C8orf34: variants seen among roughly 807,000 people sequenced by gnomAD.
C8orf34 encodes uncharacterized protein C8orf34.
Under a neutral mutation model 68.3 loss-of-function variants are expected in C8orf34, and 65 were observed. The ratio of observed to expected loss-of-function variants is 0.95; its 90% CI spans 0.78 to 1.17. The LOEUF (loss-of-function observed/expected upper bound fraction) is 1.17. C8orf34 is among the 50% of genes most tolerant of loss of function. C8orf34 has a pLI of 0.00. For missense variants in C8orf34, 664 were observed against 655.4 expected (o/e 1.01, Z -0.14); for synonymous variants, 244 against 241.2 (o/e 1.01, Z -0.11).
rs544640577 is a variant in C8orf34 at position 68,525,488 on chromosome 8, C to A, written c.938+3517C>A. 27 of 640,032 alleles carry A rather than the reference C, an allele frequency of 4.2e-5. No individual in the cohort carries two copies. In the Admixed American group the frequency reaches 5.3e-4, roughly 13 times the overall value. 39.6% of individuals were successfully genotyped at this position (640,032 alleles called of 1,614,324 possible). On this transcript the variant is annotated intron_variant, in intron 6 of 13. Coordinates refer to ENST00000518698, the MANE Select transcript of C8orf34 (RefSeq NM_052958.4). ...ATTTCTTTTTGGTTTCCCTCTGAGG[C>A]ATTTTATTTGTAAGTATGTATTACA...
chr8:68,726,584 T>C (rs1028160864), intron 10 of C8orf34, among the ~76,000 whole-genome samples: 1 of 152,138 alleles, frequency 6.6e-6, no homozygotes, highest in Non-Finnish European at 1.5e-5. Flanking sequence ...TTGCCAGATG[T>C]TGTGTGTATT....
At chr8:68,792,225 A>T (rs1344910044) in intron 12 of C8orf34, 1 of 152,170 alleles carries the variant, frequency 6.6e-6, no homozygotes, top group Non-Finnish European at 1.5e-5. Flanking sequence ...ATGATGAGAA[A>T]GGAAAGAAAT....
intron 1 of C8orf34, among the ~76,000 whole-genome samples, chr8:68,334,226 G>T (rs1056119912): frequency 6.6e-6 from 1 of 151,984 alleles, no homozygotes; most frequent in East Asian, 1.9e-4. Context: ...GCTGACTCAG[G>T]TGAATAAATT....
intron 2 of C8orf34, among the ~76,000 whole-genome samples, chr8:68,442,044 A>G (rs891734698): frequency 1.3e-5 from 2 of 152,208 alleles, no homozygotes; most frequent in African/African-American, 4.8e-5. Context: ...GATAATAATA[A>G]GAGTGAAAGA....
At chr8:68,625,882 G>A (rs2130666318) in intron 7 of C8orf34, among the ~76,000 whole-genome samples, 1 of 152,318 alleles carries the variant, frequency 6.6e-6, no homozygotes, top group South Asian at 2.1e-4. Context: ...GAAACTTAAT[G>A]TCATTTCAGA....
chr8:68,709,848 G>T (rs528882612), intron 9 of C8orf34, among the ~76,000 whole-genome samples: 1 of 152,212 alleles, frequency 6.6e-6, no homozygotes, highest in East Asian at 1.9e-4. Context: ...ATAAGTACAG[G>T]TAATGCCACT....
chr8:68,659,898 A>G (rs892349506), intron 8 of C8orf34, among the ~76,000 whole-genome samples: 4 of 152,204 alleles, frequency 2.6e-5, no homozygotes, highest in Admixed American at 2.6e-4. Flanking sequence ...CCAACCTTTG[A>G]AAAGGATCTA....
chr8:68,585,669 C>T (rs1481048951), intron 7 of C8orf34, among the ~76,000 whole-genome samples: 3 of 152,136 alleles, frequency 2.0e-5, no homozygotes, highest in South Asian at 4.1e-4. Context: ...GTCAGCCAGG[C>T]GTGGCAGGGC....
chr8:68,408,627 G>T (rs918580869), intron 1 of C8orf34, among the ~76,000 whole-genome samples: 4 of 152,078 alleles, frequency 2.6e-5, no homozygotes, highest in African/African-American at 9.7e-5. Context: ...ACCACATAGT[G>T]ACGTTTCAGT....
chr8:68,342,600 A>G (rs1172920496), intron 1 of C8orf34, among the ~76,000 whole-genome samples: 3 of 152,302 alleles, frequency 2.0e-5, no homozygotes, highest in Non-Finnish European at 4.4e-5. Context: ...TTTAAATTGC[A>G]TATCATTCTG....
At chr8:68,723,567 C>A (rs1239438934) in intron 10 of C8orf34, among the ~76,000 whole-genome samples, 1 of 151,990 alleles carries the variant, frequency 6.6e-6, no homozygotes, top group East Asian at 1.9e-4. Context: ...AATGTTCTGC[C>A]ATTTATAAAC....
rs187688328 is a variant in C8orf34 at position 68,527,203 on chromosome 8, A to G, written c.938+5232A>G. 1.9e-3 allele frequency among the ~76,000 whole-genome samples: 292 copies of G among 152,232 alleles called. 1 individual carries two copies. Among genetic ancestry groups the G allele is most frequent in the African/African-American group, 6.7e-3 (279 of 41,544 alleles). ...CCCCTTTGTGTTCTTTGAACACATAATGATATTAATTACCACTTAGAGGCT... is the reference window on the plus strand; with the variant it reads ...CCCCTTTGTGTTCTTTGAACACATAGTGATATTAATTACCACTTAGAGGCT... On this transcript the variant is annotated intron_variant, in intron 6 of 13. Coordinates refer to ENST00000518698, the MANE Select transcript of C8orf34 (RefSeq NM_052958.4).
At chr8:68,614,689 T>C (rs1214683645) in intron 7 of C8orf34, among the ~76,000 whole-genome samples, 2 of 152,224 alleles carry the variant, frequency 1.3e-5, no homozygotes, top group Non-Finnish European at 2.9e-5. Flanking sequence ...TTGGTTACTG[T>C]AGCCTTGTAG....
intron 7 of C8orf34, among the ~76,000 whole-genome samples, chr8:68,580,345 G>T (rs1156584680): frequency 2.6e-5 from 4 of 152,062 alleles, no homozygotes; most frequent in Non-Finnish European, 5.9e-5. Context: ...AAAAGAAGAA[G>T]AAAAGGAAAG....
chr8:68,389,933 C>T (rs1028977476), intron 1 of C8orf34, among the ~76,000 whole-genome samples: 3 of 151,940 alleles, frequency 2.0e-5, no homozygotes, highest in African/African-American at 7.3e-5. Context: ...TTCTTTTGAC[C>T]TCTTTTCTAA....
At chr8:68,653,269 T>C (rs1375897885) in intron 8 of C8orf34, among the ~76,000 whole-genome samples, 1 of 152,214 alleles carries the variant, frequency 6.6e-6, no homozygotes, top group African/African-American at 2.4e-5. Context: ...TTAGATTACA[T>C]TGATTTCACC....
chr8:68,435,284 G>A (rs546587655), intron 1 of C8orf34, among the ~76,000 whole-genome samples: 2,418 of 151,608 alleles, frequency 0.016, 82 homozygotes, highest in African/African-American at 0.054. Flanking sequence ...ATCACTAAGA[G>A]TTAAGTCAGG....
intron 12 of C8orf34, among the ~76,000 whole-genome samples, chr8:68,804,909 G>C (rs1343422782): frequency 6.6e-6 from 1 of 152,160 alleles, no homozygotes; most frequent in Non-Finnish European, 1.5e-5. Context: ...TTCCTTCTTA[G>C]CTGAGGCTCC....
intron 1 of C8orf34, among the ~76,000 whole-genome samples, chr8:68,343,190 G>A (rs1433059136): frequency 1.3e-5 from 2 of 152,004 alleles, no homozygotes; most frequent in Non-Finnish European, 2.9e-5. Context: ...CTATACTGAT[G>A]GTAAATAAGC....
Sources: gnomAD v4.1 joint callset for allele counts (sites outside exome capture counted in the v4.1 genomes callset) on GRCh38, gnomAD v4.1.1 for gene constraint, MANE v1.5 for transcripts, NCBI Gene and HGNC (gene_info 2026-07-23, HGNC 2026-07-21) for gene names.